Variants in FBXO46 observed in about 807,000 individuals in gnomAD.
FBXO46 encodes F-box protein 46.
In FBXO46, 13 loss-of-function variants were observed where a neutral mutation model predicts 30.7. The observed-to-expected ratio is 0.42, with a 90% CI of 0.28 to 0.67. The LOEUF is 0.67. FBXO46 is among the 30% of genes least tolerant of loss of function. FBXO46 has a pLI of 0.21. For missense variants in FBXO46, 754 were observed against 871.5 expected, an observed-to-expected ratio of 0.87 and a Z score of 1.70; for synonymous variants, 467 against 385.8, an observed-to-expected ratio of 1.21 and a Z score of -2.47.
intron 1 of FBXO46, among the ~76,000 whole-genome samples, chr19:45,721,458 C>T (rs1023063264): frequency 2.0e-5 from 3 of 152,084 alleles, no homozygotes; most frequent in Non-Finnish European, 2.9e-5. Context: ...CCCCGCTCCC[C>T]ATCACAGGGC....
Position 45,713,629 on chromosome 19 carries a change from C to G in FBXO46, c.-78-56G>C. On this transcript the variant is annotated intron_variant, in intron 1 of 1. Transcript: ENST00000317683. This position sits in a 1 kb window ranked among gnomAD's most constrained non-coding sequence, Gnocchi z 4.7. The stretch of plus-strand genomic sequence containing the variant: ...AGGGGGACAGCCTTTCTTCCCAGGA[C>G]CACCCCAACCTCCACCTCTCCTTAG... 1 of 699,820 alleles carries G rather than the reference C, an allele frequency of 1.4e-6. No individual in the cohort carries two copies. The highest frequency in any genetic ancestry group is 2.4e-6 in the Non-Finnish European group (1 of 419,748). The allele number at this position is 699,820 out of a possible 1,614,324, so 43.4% of individuals were successfully genotyped here.
chr19:45,725,029 G>GC (rs768160261), intron 1 of FBXO46, among the ~76,000 whole-genome samples: 48 of 152,222 alleles, frequency 3.2e-4, no homozygotes, highest in Non-Finnish European at 5.7e-4. Context: ...GGAGGCTGAA[G>GC]CAGGAGGATC....
intron 1 of FBXO46, among the ~76,000 whole-genome samples, chr19:45,728,433 G>GT (rs1429385959): frequency 6.6e-6 from 1 of 152,168 alleles, no homozygotes; most frequent in Non-Finnish European, 1.5e-5. Context: ...AAGTATTGGA[G>GT]TAAGGGCTCA....
At chr19:45,714,363 A>AC (rs1211915859) in intron 1 of FBXO46, 4 of 152,126 alleles carry the variant, frequency 2.6e-5, no homozygotes, top group African/African-American at 9.7e-5. Flanking sequence ...AGCACTTAAG[A>AC]AATCGGCTTT....
At chr19:45,718,865 T>C (rs1968134432) in intron 1 of FBXO46, among the ~76,000 whole-genome samples, 1 of 145,598 alleles carries the variant, frequency 6.9e-6, no homozygotes, top group African/African-American at 2.6e-5. Context: ...ACCAAAAATA[T>C]GGAAAATCAA....
At position 45,713,341 on chromosome 19, in the gene FBXO46, T is replaced by C; in HGVS notation, c.155A>G (p.His52Arg). 34 of 1,612,916 alleles carry C rather than the reference T, an allele frequency of 2.1e-5. No individual in the cohort carries two copies. The highest frequency in any genetic ancestry group is 2.8e-5 in the Non-Finnish European group (33 of 1,179,432). ...GGAEPDHGPA[H>R]SENTPPALAT... ...CAAGGCGGGTGGTGTGTTCTCTGAGTGGGCAGGCCCATGGTCTGGCTCGGC... is the reference window on the plus strand; with the variant it reads ...CAAGGCGGGTGGTGTGTTCTCTGAGCGGGCAGGCCCATGGTCTGGCTCGGC... Residue 52 changes from histidine to arginine, a missense_variant, in exon 2 of 2, where the codon CAC becomes CGC. Coordinates refer to ENST00000317683, the MANE Select transcript of FBXO46 (RefSeq NM_001080469.2). This position sits in a 1 kb window ranked among gnomAD's most constrained non-coding sequence, Gnocchi z 4.7.
rs976598153 is a variant in FBXO46, at chr19:45,712,113, G to A, written c.1383C>T (p.Phe461=). 6.2e-7 allele frequency: 1 copy of A among 1,601,114 alleles called. No individual in the cohort carries two copies. Among genetic ancestry groups the A allele is most frequent in the Non-Finnish European group, 8.5e-7 (1 of 1,174,450 alleles). ...HVSHDFLEIR[F]KIQRLLEPRQ... is the part of the protein sequence containing the mutation. ...GCGGCTCCAGCAGCCGCTGAATCTTGAAGCGGATCTCTAGGAAGTCGTGCG... is the reference window on the plus strand; with the variant it reads ...GCGGCTCCAGCAGCCGCTGAATCTTAAAGCGGATCTCTAGGAAGTCGTGCG... Residue 461 remains phenylalanine, a synonymous_variant, in exon 2 of 2, where the codon TTC becomes TTT. Coordinates refer to ENST00000317683, the MANE Select transcript of FBXO46 (RefSeq NM_001080469.2). This position sits in a 1 kb window ranked among gnomAD's most constrained non-coding sequence, Gnocchi z 8.8.
intron 1 of FBXO46, chr19:45,714,471 G>T (rs1968057378): frequency 6.6e-6 from 1 of 152,142 alleles, no homozygotes; most frequent in Non-Finnish European, 1.5e-5. Flanking sequence ...CAGTACAGGG[G>T]ATTCCCTAAA....
chr19:45,711,298 A>T lies in FBXO46; in HGVS notation c.*386T>A. On this transcript the variant is annotated 3_prime_UTR_variant, in exon 2 of 2. Transcript: ENST00000317683. Reference sequence around the variant, plus strand: ...GCTCCAGCGAGAAAGAATTGGGGTGAGGGAGAGGATGGGGGCCAGAATGGG... The same window carrying T: ...GCTCCAGCGAGAAAGAATTGGGGTGTGGGAGAGGATGGGGGCCAGAATGGG... 2.3e-6 allele frequency: 1 copy of T among 441,796 alleles called. No homozygotes were observed. The highest frequency in any genetic ancestry group is 1.7e-5 in the South Asian group (1 of 59,054). 27.4% of individuals were successfully genotyped at this position (441,796 alleles called of 1,614,324 possible).
rs1465963112 is a variant in FBXO46 at position 45,710,909 on chromosome 19, C to T, written c.*775G>A. The T allele has an allele frequency of 4.8e-5, 8 of 166,586 alleles. No homozygotes were observed. Among genetic ancestry groups the T allele is most frequent in the Non-Finnish European group, 7.7e-5 (6 of 77,770 alleles). 10.3% of individuals were successfully genotyped at this position (166,586 alleles called of 1,614,324 possible). The stretch of plus-strand genomic sequence containing the variant: ...AATGCAAATCCGAAGTCCCTGCCCA[C>T]GGGGCCCCCCCACGCTGTCAAAAGC... On this transcript the variant is annotated 3_prime_UTR_variant, in exon 2 of 2. Coordinates refer to ENST00000317683, the MANE Select transcript of FBXO46 (RefSeq NM_001080469.2).
rs1176148549 is a variant in FBXO46 at position 45,712,596 on chromosome 19, G to A, written c.900C>T (p.Ala300=). ...ATAAGTCACATGTGATCTTGTCCTT[G>A]GCTCGGGCCCCAGGACCTGGGCTGC... The part of the protein sequence containing the change: ...YPGSPGPGAR[A]KDKITCDLYQ... Residue 300 remains alanine (A), a synonymous_variant, in exon 2 of 2, where the codon GCC becomes GCT. Coordinates refer to ENST00000317683, the MANE Select transcript of FBXO46 (RefSeq NM_001080469.2). The surrounding 1 kb of genome is among the most constrained non-coding windows in gnomAD (Gnocchi z 8.8). 13 of 1,591,408 alleles carry A rather than the reference G, an allele frequency of 8.2e-6. No individual in the cohort carries two copies. The highest frequency in any genetic ancestry group is 1.3e-5 in the African/African-American group (1 of 74,552).
chr19:45,711,797 G>A lies in FBXO46; in HGVS notation c.1699C>T (p.Arg567Cys). The change falls in exon 2 of 2, where the codon CGT (arginine) becomes TGT (cysteine). Residue 567 changes from arginine to cysteine, a missense_variant. Arg to Cys is a radical substitution (Grantham distance 180). Around this residue, in one of 5 missense-constraint regions of FBXO46, gnomAD observed 162 missense variants for 258.7 expected, o/e 0.63. Coordinates refer to ENST00000317683, the MANE Select transcript of FBXO46 (RefSeq NM_001080469.2). ...CCGGGAGTCTCGCGGTCGGCTCGAC[G>A]GCAGCACATCCAGTAGGAACGTCCG... ...PYGRSYWMCC[R>C]RADRETPGCR... 4 of 1,610,744 alleles carry A rather than the reference G, an allele frequency of 2.5e-6. No individual in the cohort carries two copies. Among genetic ancestry groups the A allele is most frequent in the Non-Finnish European group, 3.4e-6 (4 of 1,179,110 alleles).
chr19:45,712,713 G>A lies in FBXO46; in HGVS notation c.783C>T (p.Ile261=), dbSNP rs1458037524. ...RPGPGPGEVR[I]AFRISNGREP... ...CCCGGCCGTTGGAGATGCGGAAGGC[G>A]ATGCGCACCTCCCCAGGGCCTGGCC... The change falls in exon 2 of 2, where the codon ATC becomes ATT. Residue 261 remains isoleucine, a synonymous_variant. Coordinates refer to ENST00000317683, the MANE Select transcript of FBXO46 (RefSeq NM_001080469.2). The surrounding 1 kb of genome is among the most constrained non-coding windows in gnomAD (Gnocchi z 8.8). 2 of 1,612,542 alleles carry A rather than the reference G, an allele frequency of 1.2e-6. No homozygotes were observed. Among genetic ancestry groups the A allele is most frequent in the East Asian group, 2.2e-5 (1 of 44,832 alleles).
At chr19:45,731,229 G>C (rs140788200), upstream of FBXO46, among the ~76,000 whole-genome samples, 23 of 152,206 alleles carry the variant, frequency 1.5e-4, no homozygotes, top group Non-Finnish European at 1.2e-4. Context: ...AGTTGGGGAA[G>C]AGCAAATTTA....
intron 1 of FBXO46, among the ~76,000 whole-genome samples, chr19:45,722,200 T>TA (rs1452615324): frequency 6.6e-6 from 1 of 152,144 alleles, no homozygotes; most frequent in East Asian, 1.9e-4. Flanking sequence ...TTGTTGGCCT[T>TA]AGAGTCCACT....
intron 1 of FBXO46, chr19:45,717,095 G>T (rs1479792810): frequency 6.6e-6 from 1 of 152,146 alleles, no homozygotes; most frequent in Non-Finnish European, 1.5e-5. Flanking sequence ...CCTTAAGCGC[G>T]AGAGAACCCC....
rs1010207861 is a variant in FBXO46, at chr19:45,713,263, G to A, written c.233C>T (p.Ala78Val). 1 of 1,613,972 alleles carries A rather than the reference G, an allele frequency of 6.2e-7. No individual in the cohort carries two copies. The highest frequency in any genetic ancestry group is 1.7e-5 in the Admixed American group (1 of 60,022). The change falls in exon 2 of 2, where the codon GCT becomes GTT. Residue 78 changes from alanine (A) to valine (V), a missense_variant. Around this residue, in one of 5 missense-constraint regions of FBXO46, gnomAD observed 97 missense variants for 113.0 expected, o/e 0.86. Transcript: ENST00000317683. This position sits in a 1 kb window ranked among gnomAD's most constrained non-coding sequence, Gnocchi z 4.7. ...QPAPLLSAAA[A>V]GDEGRVLLDT... ...CAGGAGGACTCGACCCTCATCACCA[G>A]CAGCTGCTGCTGAGAGGAGCGGAGC...
rs1209355996 is a variant in FBXO46, at chr19:45,713,171, A to G, written c.325T>C (p.Cys109Arg). The stretch of plus-strand genomic sequence containing the variant: ...GAGCTGGCCCGGCTGCCCCCACCAC[A>G]CTGGTGGGCCACAAAGAAGGCCACC... ...EKVAFFVAHQ[C>R]GGGSRASSMK... The change falls in exon 2 of 2, where the codon TGT becomes CGT. Residue 109 changes from cysteine to arginine, a missense_variant. This residue lies in a region of FBXO46 where 39 missense variants were observed against 56.5 expected (regional missense o/e 0.69). Transcript: ENST00000317683. The surrounding 1 kb of genome is among the most constrained non-coding windows in gnomAD (Gnocchi z 4.7). The G allele has an allele frequency of 3.1e-6, 5 of 1,613,462 alleles. No homozygotes were observed. The highest frequency in any genetic ancestry group is 1.3e-5 in the African/African-American group (1 of 74,854).
chr19:45,718,603 G>A (rs1968131877), intron 1 of FBXO46, among the ~76,000 whole-genome samples: 1 of 151,930 alleles, frequency 6.6e-6, no homozygotes, highest in African/African-American at 2.4e-5. Flanking sequence ...CTTCATTCAG[G>A]TCTGTGTTCA....
Sources: gnomAD v4.1 joint callset for allele counts (sites outside exome capture counted in the v4.1 genomes callset) on GRCh38, gnomAD v4.1.1 for gene constraint, gnomAD v4.1.1 regional missense constraint, Gnocchi (gnomAD v3.1) non-coding constraint, MANE v1.5 for transcripts, NCBI Gene and HGNC (gene_info 2026-07-23, HGNC 2026-07-21) for gene names.